Variants in KDM4C observed in about 807,000 individuals in gnomAD.
KDM4C encodes the protein lysine-specific demethylase 4C.
In KDM4C, 81 loss-of-function variants were observed where a neutral mutation model predicts 129.3. That is an observed-to-expected ratio of 0.63 (90% CI 0.52 to 0.75). The LOEUF (loss-of-function observed/expected upper bound fraction) is 0.75. Ranked by LOEUF, KDM4C falls within the 30% of genes least tolerant of loss-of-function variation. The pLI, the probability that KDM4C is intolerant of heterozygous loss-of-function variation, is 0.00. For missense variants in KDM4C, 1,457 were observed against 1,304.0 expected (o/e 1.12, Z -1.81); for synonymous variants, 573 against 456.1 (o/e 1.26, Z -3.26).
intron 8 of KDM4C, among the ~76,000 whole-genome samples, chr9:6,921,796 C>A (rs939108356): frequency 2.0e-5 from 3 of 152,142 alleles, no homozygotes; most frequent in African/African-American, 7.2e-5. Flanking sequence ...CCCCTACCCC[C>A]CATCTTTGAC....
chr9:6,916,373 A>G (rs1456306705), intron 8 of KDM4C, among the ~76,000 whole-genome samples: 2 of 151,676 alleles, frequency 1.3e-5, no homozygotes, highest in Non-Finnish European at 2.9e-5. Flanking sequence ...TTTTTGAAAC[A>G]GGGTCTTGCT....
rs746603311 is a variant in KDM4C at position 7,103,839 on chromosome 9, C to T, written c.2579C>T (p.Thr860Ile). The T allele has an allele frequency of 9.9e-6, 16 of 1,613,884 alleles. No individual in the cohort carries two copies. Among genetic ancestry groups the T allele is most frequent in the South Asian group, 4.4e-5 (4 of 91,076 alleles). Reference sequence around the variant, plus strand: ...GACTGGCCTTATGTGGTGAACATTACATGCTTTCGACATAAGGTCAACCCC... The same window carrying T: ...GACTGGCCTTATGTGGTGAACATTATATGCTTTCGACATAAGGTCAACCCC... ...PDDWPYVVNI[T>I]CFRHKVNPNV... Residue 860 changes from threonine (T) to isoleucine (I), a missense_variant, in exon 18 of 22, where the codon ACA becomes ATA. Thr to Ile is a moderately conservative substitution (Grantham distance 89). Transcript: ENST00000381309.
Position 6,741,953 on chromosome 9 carries a change from TAATAA to T in KDM4C, c.49+20960_49+20964del, listed in dbSNP as rs147584027. Among the ~76,000 whole-genome samples, 1,415 of 151,264 alleles carry T rather than the reference TAATAA, an allele frequency of 9.4e-3. 22 individuals are homozygous for T. Among genetic ancestry groups the T allele is most frequent in the African/African-American group, 0.033 (1,345 of 41,236 alleles). On this transcript the variant is annotated intron_variant, in intron 1 of 17. Transcript: ENST00000536108. ...TTTTTTTCTAATGGCTCAAAAACAATAATAAAATGTTTTTATTTATTTATTAATTT... is the reference window on the plus strand; with the variant it reads ...TTTTTTTCTAATGGCTCAAAAACAATAATGTTTTTATTTATTTATTAATTT...
chr9:6,792,272 G>A (rs1312634218), intron 1 of KDM4C, among the ~76,000 whole-genome samples: 1 of 152,112 alleles, frequency 6.6e-6, no homozygotes, highest in East Asian at 1.9e-4. Context: ...GAACCTGGGA[G>A]GTGGAGGTTG....
intron 8 of KDM4C, among the ~76,000 whole-genome samples, chr9:6,972,188 TACTC>T (rs977278376): frequency 4.9e-4 from 74 of 152,146 alleles, no homozygotes; most frequent in Middle Eastern, 3.4e-3. Flanking sequence ...CTTGATCTCT[TACTC>T]ACTCCATCTA....
rs374357057 is a variant in KDM4C at position 6,888,031 on chromosome 9, G to A, written c.751G>A (p.Val251Ile). ...CAAGATGACATTGATTTCTCCATCA[G>A]TATTGAAGAAATATGGTATTCCCTT... ...RHKMTLISPS[V>I]LKKYGIPFDK... The change falls in exon 7 of 22, where the codon GTA (valine) becomes ATA (isoleucine). Residue 251 changes from valine to isoleucine, a missense_variant. Transcript: ENST00000381309. 4 of 1,600,472 alleles carry A rather than the reference G, an allele frequency of 2.5e-6. No individual in the cohort carries two copies. Among genetic ancestry groups the A allele is most frequent in the Non-Finnish European group, 2.6e-6 (3 of 1,169,226 alleles).
At chr9:7,009,634 C>T (rs144187672) in intron 12 of KDM4C, among the ~76,000 whole-genome samples, 18 of 152,280 alleles carry the variant, frequency 1.2e-4, no homozygotes, top group Non-Finnish European at 2.4e-4. Context: ...CTACTACTTT[C>T]GTATCACCGT....
At chr9:6,848,563 G>T (rs1838274149) in intron 4 of KDM4C, among the ~76,000 whole-genome samples, 1 of 152,146 alleles carries the variant, frequency 6.6e-6, no homozygotes, top group Non-Finnish European at 1.5e-5. Context: ...CAGCTGTGTG[G>T]AAGGCTGAGG....
intron 5 of KDM4C, among the ~76,000 whole-genome samples, chr9:6,869,816 G>A (rs577193868): frequency 1.3e-5 from 2 of 152,340 alleles, no homozygotes; most frequent in African/African-American, 4.8e-5. Flanking sequence ...ATCCCCTATA[G>A]CCATGCTTTC....
At position 6,862,172 on chromosome 9, in the gene KDM4C, G is replaced by C. The variant is rs144397131; in HGVS notation, c.629+12472G>C. Among the ~76,000 whole-genome samples, 431 of 152,234 alleles carry C rather than the reference G, an allele frequency of 2.8e-3. 7 individuals are homozygous for C. The highest frequency in any genetic ancestry group is 9.7e-3 in the African/African-American group (403 of 41,552). Reference sequence around the variant, plus strand: ...AACTTATTTAACAATTTTCCTTTAAGTGTGGTTAAAAAACTGAGTGGTTTT... The same window carrying C: ...AACTTATTTAACAATTTTCCTTTAACTGTGGTTAAAAAACTGAGTGGTTTT... On this transcript the variant is annotated intron_variant, in intron 5 of 21. Transcript: ENST00000381309.
At chr9:6,915,812 A>T (rs1485117186) in intron 8 of KDM4C, among the ~76,000 whole-genome samples, 1 of 152,162 alleles carries the variant, frequency 6.6e-6, no homozygotes, top group Non-Finnish European at 1.5e-5. Flanking sequence ...GCTGCCTGTT[A>T]ATAGTGATGA....
chr9:7,135,440 C>T (rs1841097176), intron 19 of KDM4C, among the ~76,000 whole-genome samples: 1 of 152,172 alleles, frequency 6.6e-6, no homozygotes, highest in South Asian at 2.1e-4. Context: ...ATCAAAATAA[C>T]TACCTTGAAC....
At chr9:7,115,126 G>A (rs1185310762) in intron 18 of KDM4C, among the ~76,000 whole-genome samples, 1 of 151,910 alleles carries the variant, frequency 6.6e-6, no homozygotes. Context: ...AATTTACATG[G>A]GACACTTGAT....
chr9:7,003,993 C>T (rs112885947), intron 12 of KDM4C, among the ~76,000 whole-genome samples: 2,386 of 152,138 alleles, frequency 0.016, 67 homozygotes, highest in African/African-American at 0.054. Flanking sequence ...GTACCTGAAA[C>T]GTAACAGATG....
At position 7,103,795 on chromosome 9, in the gene KDM4C, G is replaced by A. The variant is rs34024339; in HGVS notation, c.2535G>A (p.Gly845=). ...ATGTCACTTGTGCCCATGCTGCTGG[G>A]GTACTGATGGAGCCTGATGACTGGC... ...SFHVTCAHAA[G]VLMEPDDWPY... is the part of the protein sequence containing the mutation. The change falls in exon 18 of 22, where the codon GGG becomes GGA. Residue 845 remains glycine (G), a synonymous_variant. Coordinates refer to ENST00000381309, the MANE Select transcript of KDM4C (RefSeq NM_015061.6). 4,740 of 1,613,934 alleles carry A rather than the reference G, an allele frequency of 2.9e-3. 130 individuals are homozygous for A. The African/African-American group carries it at 0.056, about 19-fold the overall frequency.
intron 1 of KDM4C, among the ~76,000 whole-genome samples, chr9:6,780,241 T>A (rs981248077): frequency 6.6e-6 from 1 of 152,088 alleles, no homozygotes; most frequent in Non-Finnish European, 1.5e-5. Context: ...GTAAATAGAT[T>A]AGCTGTGAAT....
At chr9:6,874,902 C>T (rs1292328546) in intron 5 of KDM4C, among the ~76,000 whole-genome samples, 2 of 146,690 alleles carry the variant, frequency 1.4e-5, no homozygotes, top group African/African-American at 2.5e-5. Flanking sequence ...CCAGCTTGGG[C>T]AACATAGTGA....
intron 15 of KDM4C, among the ~76,000 whole-genome samples, chr9:7,044,255 A>G (rs7027561): frequency 0.63 from 95,663 of 151,786 alleles, 30,741 homozygotes; most frequent in South Asian, 0.72. Flanking sequence ...TTATTGATGA[A>G]TGGCGCAGGC....
At position 7,040,369 on chromosome 9, in the gene KDM4C, CTGTGTGTGTGTGTG is replaced by C. The variant is rs527776913; in HGVS notation, c.2260-6470_2260-6457del. On this transcript the variant is annotated intron_variant, in intron 15 of 21. Transcript: ENST00000381309. The stretch of plus-strand genomic sequence containing the variant: ...TCTTTCCCTCTCTCTCTACCCCACT[CTGTGTGTGTGTGTG>C]TGTGTGTGTGTGTGTGTGTGTGCGT... Among the ~76,000 whole-genome samples the C allele has an allele frequency of 1.5e-4, 15 of 100,392 alleles. No homozygotes were observed. The East Asian group carries it at 1.7e-3, about 11-fold the overall frequency. The allele number at this position is 100,392 out of a possible 152,430, so 65.9% of individuals were successfully genotyped here.
Sources: gnomAD v4.1 joint callset for allele counts (sites outside exome capture counted in the v4.1 genomes callset) on GRCh38, gnomAD v4.1.1 for gene constraint, MANE v1.5 for transcripts, NCBI Gene and HGNC (gene_info 2026-07-23, HGNC 2026-07-21) for gene names.